ARHGEF10L: variants seen among roughly 807,000 people sequenced by gnomAD.
The protein encoded by ARHGEF10L is Rho guanine nucleotide exchange factor 10 like, also known as rho guanine nucleotide exchange factor 10-like protein.
Under a neutral mutation model 141.2 loss-of-function variants are expected in ARHGEF10L, and 69 were observed. The observed-to-expected ratio is 0.49, with a 90% CI of 0.40 to 0.60. ARHGEF10L has a LOEUF of 0.60. Among genes scored for constraint, ARHGEF10L ranks in the 20% least tolerant of loss-of-function variants. The pLI is 0.00. For missense variants in ARHGEF10L, 1,482 were observed against 1,734.3 expected, an observed-to-expected ratio of 0.85 and a Z score of 2.58; for synonymous variants, 711 against 718.5, an observed-to-expected ratio of 0.99 and a Z score of 0.17.
At chr1:17,532,784 G>A in the ARHGEF10L span, among the ~76,000 whole-genome samples, 2 of 151,928 alleles carry the variant, frequency 1.3e-5, no homozygotes, top group African/African-American at 4.8e-5. Flanking sequence ...CAGTAGAGAC[G>A]GGGTTTCCCT....
intron 9 of ARHGEF10L, chr1:17,618,262 A>AAACC: frequency 1.5e-6 from 1 of 684,248 alleles, no homozygotes; most frequent in Non-Finnish European, 2.2e-6. Context: ...AGCCCTCCCC[A>AAACC]CCCCGCCCAC....
chr1:17,633,920 T>A (rs1043712304), intron 16 of ARHGEF10L, among the ~76,000 whole-genome samples: 2 of 152,246 alleles, frequency 1.3e-5, no homozygotes, highest in Non-Finnish European at 1.5e-5. Context: ...TCATTCACCA[T>A]CCACCCATTT....
Position 17,607,033 on chromosome 1 carries a change from A to C in ARHGEF10L, c.434-769A>C, listed in dbSNP as rs2081244473. 6.6e-6 allele frequency among the ~76,000 whole-genome samples: 1 copy of C among 152,288 alleles called. No individual in the cohort carries two copies. The highest frequency in any genetic ancestry group is 1.9e-4 in the East Asian group (1 of 5,176). ...GGACTCTGGGCCAGCTGCGCCCCCT[A>C]CTGGAAGATCCCAGGCTGCACGTGA... On this transcript the variant is annotated intron_variant, in intron 6 of 28. Transcript: ENST00000361221. The surrounding 1 kb of genome is among the most constrained non-coding windows in gnomAD (Gnocchi z 4.5).
chr1:17,533,430 A>C, the ARHGEF10L span, among the ~76,000 whole-genome samples: 1 of 152,126 alleles, frequency 6.6e-6, no homozygotes, highest in African/African-American at 2.4e-5. Flanking sequence ...TTGCCCTCCC[A>C]AAATGCTGAG....
Position 17,552,583 on chromosome 1 carries a change from T to G in ARHGEF10L, c.-44+12633T>G, listed in dbSNP as rs1322105513. ...CTGGCTAATTTTCGTTTTTTTTTTT[T>G]TTTTTTTTTTTTTTTTTTTTAGTAG... On this transcript the variant is annotated intron_variant, in intron 1 of 28. Transcript: ENST00000361221. Among the ~76,000 whole-genome samples, 286 of 113,906 alleles carry G rather than the reference T, an allele frequency of 2.5e-3. 7 individuals are homozygous for G. Among genetic ancestry groups the G allele is most frequent in the Non-Finnish European group, 3.8e-3 (186 of 49,316 alleles). The allele number at this position is 113,906 out of a possible 152,430, so 74.7% of individuals were successfully genotyped here.
At chr1:17,535,032 A>T (rs1557677936), upstream of ARHGEF10L, among the ~76,000 whole-genome samples, 1 of 152,154 alleles carries the variant, frequency 6.6e-6, no homozygotes, top group Non-Finnish European at 1.5e-5. Flanking sequence ...TTTATTGTGC[A>T]CTTTATTTCT....
At chr1:17,634,625 T>G in intron 17 of ARHGEF10L, 63 bp downstream of exon 17, 1 of 1,595,730 alleles carries the variant, frequency 6.3e-7, no homozygotes, top group South Asian at 1.1e-5. Context: ...TGGTGCCATG[T>G]GATTCTGGAT....
rs1384431541 is a variant in ARHGEF10L, at chr1:17,623,821, A to G, written c.1201-566A>G. Among the ~76,000 whole-genome samples, 1 of 152,130 alleles carries G rather than the reference A, an allele frequency of 6.6e-6. No homozygotes were observed. The highest frequency in any genetic ancestry group is 1.9e-4 in the East Asian group (1 of 5,188). On this transcript the variant is annotated intron_variant, in intron 12 of 28. Coordinates refer to ENST00000361221, the MANE Select transcript of ARHGEF10L (RefSeq NM_018125.4). The surrounding 1 kb of genome is among the most constrained non-coding windows in gnomAD (Gnocchi z 4.7). Reference sequence around the variant, plus strand: ...AGGTAACTAGGTTTTGCTAAAAGAAAAAAACTTTTTTTTGAAAGCCACAGC... The same window carrying G: ...AGGTAACTAGGTTTTGCTAAAAGAAGAAAACTTTTTTTTGAAAGCCACAGC...
At chr1:17,514,062 G>T in the ARHGEF10L span, among the ~76,000 whole-genome samples, 2 of 150,114 alleles carry the variant, frequency 1.3e-5, 1 homozygote, top group South Asian at 4.2e-4. Flanking sequence ...GACCTCAGGT[G>T]ATCTGCCTGC....
At chr1:17,601,034 A>T (rs2080606241) in intron 4 of ARHGEF10L, among the ~76,000 whole-genome samples, 1 of 144,154 alleles carries the variant, frequency 6.9e-6, no homozygotes, top group Admixed American at 7.2e-5. Flanking sequence ...TGGGCGACAG[A>T]GCGAGGCTCT....
At chr1:17,614,417 G>C (rs1026593432) in intron 8 of ARHGEF10L, among the ~76,000 whole-genome samples, 1 of 152,190 alleles carries the variant, frequency 6.6e-6, no homozygotes, top group Admixed American at 6.5e-5. Context: ...AGGTGTACTC[G>C]GGGACACCTT....
rs1023656183 is a variant in ARHGEF10L, at chr1:17,619,077, C to T, written c.836-262C>T. 2.6e-5 allele frequency among the ~76,000 whole-genome samples: 4 copies of T among 152,074 alleles called. No individual in the cohort carries two copies. Among genetic ancestry groups the T allele is most frequent in the African/African-American group, 4.8e-5 (2 of 41,402 alleles). ...CGCCGAGAACCCAGGCCCCACAGGA[C>T]GCAGCTTTGATTTCTGCCTGTTCAC... On this transcript the variant is annotated intron_variant, in intron 9 of 28. Coordinates refer to ENST00000361221, the MANE Select transcript of ARHGEF10L (RefSeq NM_018125.4). This position sits in a 1 kb window ranked among gnomAD's most constrained non-coding sequence, Gnocchi z 5.0.
rs374127011 is a variant in ARHGEF10L, at chr1:17,664,605, T to A, written c.3009+10T>A. 147 of 1,539,836 alleles carry A rather than the reference T, an allele frequency of 9.5e-5. No homozygotes were observed. Among genetic ancestry groups the A allele is most frequent in the Non-Finnish European group, 1.2e-4 (139 of 1,145,556 alleles). ...CACCCTGCAGCCTCAGGTACTGCAC[T>A]ATCCTTTGGCTTGTGGCCCTGGAGG... On this transcript the variant is annotated intron_variant, in intron 26 of 28. Coordinates refer to ENST00000361221, the MANE Select transcript of ARHGEF10L (RefSeq NM_018125.4).
At position 17,696,937 on chromosome 1, in the gene ARHGEF10L, A is replaced by C. The variant is rs2065547696; in HGVS notation, c.3397A>C (p.Ser1133Arg). 6.2e-7 allele frequency: 1 copy of C among 1,612,526 alleles called. No homozygotes were observed. The change falls in exon 29 of 29, where the codon AGT (serine) becomes CGT (arginine). Residue 1133 changes from serine (S) to arginine (R), a missense_variant. Transcript: ENST00000361221. ...TSILAPDILR[S>R]DQEEAEGPRA... ...CATCCTGGCCCCTGACATCCTGCGG[A>C]GTGACCAGGAGGAGGCTGAGGGGCC...
Position 17,634,475 on chromosome 1 carries a change from C to T in ARHGEF10L, c.1731-73C>T, listed in dbSNP as rs375842998. On this transcript the variant is annotated intron_variant, in intron 16 of 28. Transcript: ENST00000361221. Reference sequence around the variant, plus strand: ...GCCCAGCCCCATGGCTGGCCCCCAGCGGGGTCACAGCCCCCAGATTAGCCA... The same window carrying T: ...GCCCAGCCCCATGGCTGGCCCCCAGTGGGGTCACAGCCCCCAGATTAGCCA... 5.3e-5 allele frequency: 85 copies of T among 1,611,674 alleles called. 1 individual carries two copies. In the African/African-American group the frequency reaches 8.8e-4, roughly 17 times the overall value.
Position 17,539,834 on chromosome 1 carries a change from G to T in ARHGEF10L, c.-160G>T, listed in dbSNP as rs1377544672. 6.8e-6 allele frequency: 1 copy of T among 147,196 alleles called. No homozygotes were observed. Among genetic ancestry groups the T allele is most frequent in the Non-Finnish European group, 1.5e-5 (1 of 65,950 alleles). 9.1% of individuals were successfully genotyped at this position (147,196 alleles called of 1,614,324 possible). A position where few individuals can be genotyped will look rare whatever the true frequency, so the allele number is the denominator to read the frequency against. ...GGGTGGCGGCGGCTGCGGCGGTGGGGGCGCCGTCCCGGCCATGGGCGCCCG... is the reference window on the plus strand; with the variant it reads ...GGGTGGCGGCGGCTGCGGCGGTGGGTGCGCCGTCCCGGCCATGGGCGCCCG... On this transcript the variant is annotated 5_prime_UTR_variant, in exon 1 of 29. Transcript: ENST00000361221. This position sits in a 1 kb window ranked among gnomAD's most constrained non-coding sequence, Gnocchi z 6.0.
rs554754320 is a variant in ARHGEF10L at position 17,647,821 on chromosome 1, G to A, written c.2273-733G>A. On this transcript the variant is annotated intron_variant, in intron 21 of 28. Coordinates refer to ENST00000361221, the MANE Select transcript of ARHGEF10L (RefSeq NM_018125.4). The stretch of plus-strand genomic sequence containing the variant: ...GGAGGGGACATGTGAGCAGAGCCCC[G>A]AGCCATGTAAAGGAGCCTCCACAGA... Among the ~76,000 whole-genome samples, 33 of 152,266 alleles carry A rather than the reference G, an allele frequency of 2.2e-4. 1 individual carries two copies. The South Asian group carries it at 5.2e-3, about 24-fold the overall frequency.
chr1:17,632,709 T>C (rs557482534), intron 16 of ARHGEF10L, among the ~76,000 whole-genome samples: 10 of 152,136 alleles, frequency 6.6e-5, no homozygotes, highest in South Asian at 6.2e-4. Flanking sequence ...TGGTACAGAG[T>C]TGTTTGTTTT....
upstream of ARHGEF10L, among the ~76,000 whole-genome samples, chr1:17,536,183 A>C (rs2076573314): frequency 6.6e-6 from 1 of 152,222 alleles, no homozygotes; most frequent in African/African-American, 2.4e-5. Context: ...TGTGGAGCTT[A>C]GAGTGTGCAG....
Sources: allele counts gnomAD v4.1 joint callset (sites outside exome capture counted in the v4.1 genomes callset), GRCh38; gene constraint gnomAD v4.1.1; non-coding constraint Gnocchi (gnomAD v3.1); transcripts MANE v1.5; gene names NCBI Gene and HGNC (gene_info 2026-07-23, HGNC 2026-07-21).